The following R3HDM2 variants were observed in gnomAD, a reference collection of about 807,000 sequenced individuals.
R3HDM2 encodes the protein R3H domain containing 2, also known as R3H domain-containing protein 2.
R3HDM2 carries 38 observed loss-of-function variants against 124.5 expected under a neutral mutation model. The ratio of observed to expected loss-of-function variants is 0.31; its 90% CI spans 0.24 to 0.40. R3HDM2 has a LOEUF of 0.40. Among genes scored for constraint, R3HDM2 ranks in the 10% least tolerant of loss-of-function variants. The probability of loss-of-function intolerance (pLI) is 1.00; values close to 1 mark genes in which losing one functional copy is unlikely to be tolerated. For synonymous variants in R3HDM2, 391 were observed against 448.0 expected (o/e 0.87, Z 1.61); for missense variants, 869 against 1,236.9 (o/e 0.70, Z 4.46).
intron 17 of R3HDM2, 29 bp downstream of exon 17, chr12:57,268,893 T>C: frequency 6.2e-7 from 1 of 1,607,672 alleles, no homozygotes; most frequent in Non-Finnish European, 8.5e-7. Flanking sequence ...AGGACTGGGG[T>C]GATCCTTCCC....
intron 23 of R3HDM2, 66 bp downstream of exon 23, chr12:57,255,924 G>T: frequency 7.0e-7 from 1 of 1,432,818 alleles, no homozygotes. Context: ...CACCCATGCT[G>T]GACTGGTAAT....
At chr12:57,407,342 T>TA (rs372304661) in intron 1 of R3HDM2, among the ~76,000 whole-genome samples, 1 of 152,066 alleles carries the variant, frequency 6.6e-6, no homozygotes, top group Non-Finnish European at 1.5e-5. Flanking sequence ...TATAAGCTAC[T>TA]AAAAAAATCA....
chr12:57,356,552 T>A (rs1284099385), intron 2 of R3HDM2, among the ~76,000 whole-genome samples: 2 of 152,212 alleles, frequency 1.3e-5, no homozygotes, highest in Non-Finnish European at 2.9e-5. Flanking sequence ...GTAGTTTTCT[T>A]ATATCTTTAT....
intron 16 of R3HDM2, 44 bp from the exon 17 acceptor site, chr12:57,269,126 G>C: frequency 6.2e-7 from 1 of 1,604,882 alleles, no homozygotes; most frequent in Non-Finnish European, 8.5e-7. Flanking sequence ...TGAATGTTTA[G>C]GAGGTCACAC....
intron 2 of R3HDM2, among the ~76,000 whole-genome samples, chr12:57,394,383 C>A (rs1184298520): frequency 1.3e-5 from 2 of 151,478 alleles, no homozygotes; most frequent in African/African-American, 2.4e-5. Context: ...CTGAGGTGGG[C>A]AGATCATTTG....
At position 57,296,560 on chromosome 12, in the gene R3HDM2, A is replaced by C. The variant is rs1450668594; in HGVS notation, c.561-9T>G. ...ACTTCTTGAACTGATTACTGAAGGG[A>C]AACCCGGGGAAAAAAAGTGAAATAA... On this transcript the variant is annotated splice_polypyrimidine_tract_variant and intron_variant, in intron 8 of 23. Transcript: ENST00000402412. The surrounding 1 kb of genome is among the most constrained non-coding windows in gnomAD (Gnocchi z 4.5). 1 of 1,545,090 alleles carries C rather than the reference A, an allele frequency of 6.5e-7. No homozygotes were observed.
chr12:57,405,901 T>A (rs1278402879), intron 1 of R3HDM2, among the ~76,000 whole-genome samples: 1 of 152,112 alleles, frequency 6.6e-6, no homozygotes. Flanking sequence ...TGATCTTCGG[T>A]CATCTTGTCA....
intron 1 of R3HDM2, among the ~76,000 whole-genome samples, chr12:57,420,484 C>T (rs2070083585): frequency 6.6e-6 from 1 of 151,512 alleles, no homozygotes; most frequent in African/African-American, 2.4e-5. Context: ...CTTGAAACTC[C>T]TCCTACTTCT....
intron 1 of R3HDM2, among the ~76,000 whole-genome samples, chr12:57,407,434 C>A (rs2068627276): frequency 6.6e-6 from 1 of 151,460 alleles, no homozygotes; most frequent in Non-Finnish European, 1.5e-5. Context: ...GAGACAGAGT[C>A]TCACTCTGTT....
rs181139224 is a variant in R3HDM2, at chr12:57,296,877, A to G, written c.561-326T>C. The stretch of plus-strand genomic sequence containing the variant: ...TCAGGAGTTCAAGACCAGCCTGGTC[A>G]ACATGGTGAAACCCCGTCTCTACAA... On this transcript the variant is annotated intron_variant, in intron 8 of 23. Transcript: ENST00000402412. This position sits in a 1 kb window ranked among gnomAD's most constrained non-coding sequence, Gnocchi z 4.5. 7.0e-5 allele frequency: 17 copies of G among 242,886 alleles called. No homozygotes were observed. The Admixed American group carries it at 8.0e-4, about 11-fold the overall frequency. The allele number at this position is 242,886 out of a possible 1,614,324, so 15.0% of individuals were successfully genotyped here.
Position 57,299,424 on chromosome 12 carries a change from T to G in R3HDM2, c.349A>C (p.Thr117Pro). The G allele has an allele frequency of 6.5e-7, 1 of 1,544,126 alleles. No individual in the cohort carries two copies. The highest frequency in any genetic ancestry group is 1.2e-5 in the South Asian group (1 of 83,944). ...TCTTCCTTTTCAGAGACATCTTTTGTGGACTTTTCTTCCTCCTTGTCAGAA... is the reference window on the plus strand; with the variant it reads ...TCTTCCTTTTCAGAGACATCTTTTGGGGACTTTTCTTCCTCCTTGTCAGAA... ...CPSDKEEEKS[T>P]KDVSEKEDKD... Residue 117 changes from threonine to proline, a missense_variant, in exon 6 of 24, where the codon ACA becomes CCA. This residue lies in a region of R3HDM2 where 267 missense variants were observed against 447.7 expected (regional missense o/e 0.60). Transcript: ENST00000402412.
Position 57,338,302 on chromosome 12 carries a change from T to TCAAAAA in R3HDM2, c.-35-27845_-35-27840dup, listed in dbSNP as rs943423487. On this transcript the variant is annotated intron_variant, in intron 2 of 23. Coordinates refer to ENST00000402412, the MANE Select transcript of R3HDM2 (RefSeq NM_001394031.1). ...TGGGCAACAAGAGCAAAGCTCCATC[T>TCAAAAA]CAAAAACAAAAACAAAAACAAAAAC... Among the ~76,000 whole-genome samples, 28 of 151,960 alleles carry TCAAAAA rather than the reference T, an allele frequency of 1.8e-4. No individual in the cohort carries two copies. The South Asian group carries it at 2.3e-3, about 12-fold the overall frequency.
intron 1 of R3HDM2, among the ~76,000 whole-genome samples, chr12:57,407,222 C>G (rs1317886908): frequency 1.3e-5 from 2 of 150,104 alleles, no homozygotes; most frequent in Non-Finnish European, 3.0e-5. Flanking sequence ...TGCACTCCAG[C>G]CTGGGCAACA....
intron 2 of R3HDM2, among the ~76,000 whole-genome samples, chr12:57,324,137 C>A (rs575305755): frequency 2.2e-4 from 34 of 152,306 alleles, no homozygotes; most frequent in African/African-American, 7.7e-4. Context: ...CCTGCCATAA[C>A]CGATGACCTT....
intron 14 of R3HDM2, among the ~76,000 whole-genome samples, chr12:57,274,684 A>C (rs2044288566): frequency 6.6e-6 from 1 of 152,152 alleles, no homozygotes; most frequent in Non-Finnish European, 1.5e-5. Flanking sequence ...GAAGGGTGTA[A>C]AACTACAAAG....
intron 2 of R3HDM2, among the ~76,000 whole-genome samples, chr12:57,386,448 C>G (rs1475309280): frequency 2.6e-5 from 4 of 152,246 alleles, no homozygotes; most frequent in Admixed American, 2.6e-4. Context: ...AGGGGCTTAG[C>G]ACCTGGGCAA....
intron 2 of R3HDM2, among the ~76,000 whole-genome samples, chr12:57,320,003 C>T (rs77906823): frequency 6.6e-5 from 10 of 151,986 alleles, no homozygotes; most frequent in East Asian, 1.9e-4. Flanking sequence ...TAGTGGCTCA[C>T]GCCTGCAATC....
intron 19 of R3HDM2, among the ~76,000 whole-genome samples, chr12:57,265,052 C>T (rs1451250042): frequency 2.0e-5 from 3 of 152,190 alleles, no homozygotes; most frequent in Non-Finnish European, 4.4e-5. Flanking sequence ...CAGTGAAAGG[C>T]TGCATGGCAT....
chr12:57,310,407 G>A lies in R3HDM2; in HGVS notation c.22C>T (p.Gln8Ter). The A allele has an allele frequency of 6.5e-7, 1 of 1,544,984 alleles. No homozygotes were observed. The highest frequency in any genetic ancestry group is 8.7e-7 in the Non-Finnish European group (1 of 1,144,666). Reference sequence around the variant, plus strand: ...TCTTTCATTATTTCCAGGGTCTCTTGAGTAGTGTTACTGTTAGACATGTTC... The same window carrying A: ...TCTTTCATTATTTCCAGGGTCTCTTAAGTAGTGTTACTGTTAGACATGTTC... Reference protein sequence around the residue: MSNSNTTQETLEIMKESE... With the variant: MSNSNTT Residue 8 changes from glutamine to a stop codon, truncating the protein, a stop_gained, in exon 3 of 24, where the codon CAA becomes TAA. Coordinates refer to ENST00000402412, the MANE Select transcript of R3HDM2 (RefSeq NM_001394031.1). LOFTEE classifies it high-confidence loss of function.
Sources: allele counts gnomAD v4.1 joint callset (sites outside exome capture counted in the v4.1 genomes callset), GRCh38; gene constraint gnomAD v4.1.1; regional missense constraint gnomAD v4.1.1; non-coding constraint Gnocchi (gnomAD v3.1); transcripts MANE v1.5; gene names NCBI Gene and HGNC (gene_info 2026-07-23, HGNC 2026-07-21).